The following SASH1 variants were observed in gnomAD, a reference collection of about 807,000 sequenced individuals.
SASH1 encodes SAM and SH3 domain-containing protein 1.
A neutral mutation model predicts 125.2 loss-of-function variants in SASH1; 44 were observed. That is an observed-to-expected ratio of 0.35 (90% CI 0.28 to 0.45). The LOEUF (loss-of-function observed/expected upper bound fraction) is 0.45. Ranked by LOEUF, SASH1 falls within the 20% of genes least tolerant of loss-of-function variation. The pLI is 1.00. For synonymous variants in SASH1, 639 were observed against 649.1 expected (o/e 0.98, Z 0.24); for missense variants, 1,426 against 1,614.5 (o/e 0.88, Z 2.00).
intron 1 of SASH1, among the ~76,000 whole-genome samples, chr6:148,290,388 C>T (rs1211856357): frequency 4.6e-5 from 7 of 151,198 alleles, no homozygotes; most frequent in South Asian, 2.1e-4. Context: ...GGGCAGATCA[C>T]GAGGTCAGGA....
intron 1 of SASH1, among the ~76,000 whole-genome samples, chr6:148,281,660 C>G (rs796862290): frequency 2.6e-5 from 4 of 152,202 alleles, no homozygotes; most frequent in Admixed American, 1.3e-4. Flanking sequence ...CGGTGGCTCA[C>G]GCCTGTAATC....
intron 4 of SASH1, among the ~76,000 whole-genome samples, chr6:148,467,018 T>C (rs1777869251): frequency 6.6e-6 from 1 of 152,152 alleles, no homozygotes; most frequent in East Asian, 1.9e-4. Flanking sequence ...CCAAGGATAC[T>C]GTATTTTCCT....
chr6:148,503,657 A>G (rs927634580), intron 8 of SASH1, among the ~76,000 whole-genome samples: 1 of 151,894 alleles, frequency 6.6e-6, no homozygotes, highest in Non-Finnish European at 1.5e-5. Context: ...CAAATGTGTT[A>G]TTTCTACTTA....
intron 1 of SASH1, among the ~76,000 whole-genome samples, chr6:148,327,988 T>C (rs948783565): frequency 6.6e-6 from 1 of 150,682 alleles, no homozygotes; most frequent in Non-Finnish European, 1.5e-5. Context: ...ACACAAAAAG[T>C]AAACTGAGTG....
At chr6:148,376,749 A>C (rs1782910290) in intron 1 of SASH1, among the ~76,000 whole-genome samples, 1 of 152,220 alleles carries the variant, frequency 6.6e-6, no homozygotes, top group East Asian at 1.9e-4. Flanking sequence ...CTGTAGTCCC[A>C]GCTACTCGGG....
intron 10 of SASH1, chr6:148,520,115 C>T (rs531529707): frequency 7.4e-6 from 4 of 539,070 alleles, no homozygotes; most frequent in East Asian, 6.2e-5. Flanking sequence ...GCAAAGGGGG[C>T]GGGAGCTGCG....
chr6:148,363,892 ATT>A (rs1242057748), intron 1 of SASH1, among the ~76,000 whole-genome samples: 1 of 152,108 alleles, frequency 6.6e-6, no homozygotes, highest in Admixed American at 6.6e-5. Flanking sequence ...CTTATAGGAT[ATT>A]TTATTCCCTG....
intron 1 of SASH1, among the ~76,000 whole-genome samples, chr6:148,316,234 A>G (rs1403550713): frequency 6.6e-6 from 1 of 152,188 alleles, no homozygotes; most frequent in African/African-American, 2.4e-5. Context: ...AGTTGGCAGC[A>G]GCTTCCACGT....
intron 1 of SASH1, among the ~76,000 whole-genome samples, chr6:148,314,906 G>T (rs1780441838): frequency 6.6e-6 from 1 of 151,798 alleles, no homozygotes; most frequent in African/African-American, 2.4e-5. Context: ...ACAGGCGCCT[G>T]CTATCATGCC....
At chr6:148,300,382 G>T (rs992455905) in intron 1 of SASH1, among the ~76,000 whole-genome samples, 2 of 151,166 alleles carry the variant, frequency 1.3e-5, no homozygotes, top group African/African-American at 4.9e-5. Flanking sequence ...AGGTGCACTA[G>T]AATAAGCTTT....
chr6:148,510,911 G>A (rs180777615), intron 8 of SASH1, among the ~76,000 whole-genome samples: 4 of 150,712 alleles, frequency 2.7e-5, no homozygotes, highest in East Asian at 2.0e-4. Flanking sequence ...CTGGAGAATC[G>A]CTTGAACTCA....
At chr6:148,510,269 T>C (rs1470466403) in intron 8 of SASH1, among the ~76,000 whole-genome samples, 2 of 152,224 alleles carry the variant, frequency 1.3e-5, no homozygotes, top group Non-Finnish European at 2.9e-5. Flanking sequence ...GTTTACAATA[T>C]TGGAAATCCA....
chr6:148,222,833 A>G, the SASH1 span, among the ~76,000 whole-genome samples: 2 of 151,466 alleles, frequency 1.3e-5, no homozygotes, highest in Non-Finnish European at 1.5e-5. Context: ...TTTACTAAGC[A>G]ACTCCTAGTA....
At chr6:148,238,585 C>G in the SASH1 span, among the ~76,000 whole-genome samples, 31 of 150,860 alleles carry the variant, frequency 2.1e-4, no homozygotes, top group African/African-American at 7.6e-4. Flanking sequence ...TATATCTTAC[C>G]CACCCTGTCC....
intron 1 of SASH1, among the ~76,000 whole-genome samples, chr6:148,369,869 G>A (rs1250720014): frequency 6.7e-6 from 1 of 148,812 alleles, no homozygotes; most frequent in Non-Finnish European, 1.5e-5. Context: ...CATGAGATTC[G>A]CTTGAACCGG....
chr6:148,193,680 G>T, the SASH1 span, among the ~76,000 whole-genome samples: 1 of 152,154 alleles, frequency 6.6e-6, no homozygotes, highest in Non-Finnish European at 1.5e-5. Context: ...CATTTTCCTT[G>T]TGGCTTTTTA....
chr6:148,415,676 G>A (rs915028375), intron 2 of SASH1, among the ~76,000 whole-genome samples: 3 of 152,184 alleles, frequency 2.0e-5, no homozygotes, highest in African/African-American at 7.2e-5. Context: ...AGAATTTAAA[G>A]ATTGATAGCA....
intron 1 of SASH1, among the ~76,000 whole-genome samples, chr6:148,304,834 C>A (rs7756924): frequency 0.71 from 107,728 of 151,980 alleles, 38,272 homozygotes; most frequent in South Asian, 0.76. Flanking sequence ...TCGAGATCAG[C>A]CTGGCCGACA....
At chr6:148,534,106 C>T (rs1409278429) in intron 15 of SASH1, 126 bp downstream of exon 15, 10 of 716,024 alleles carry the variant, frequency 1.4e-5, no homozygotes, top group South Asian at 5.6e-5. Context: ...AAGGGCAGCT[C>T]GTTACTATGA....
Sources: gnomAD v4.1 joint callset for allele counts (sites outside exome capture counted in the v4.1 genomes callset) on GRCh38, gnomAD v4.1.1 for gene constraint, MANE v1.5 for transcripts, NCBI Gene and HGNC (gene_info 2026-07-23, HGNC 2026-07-21) for gene names.